Variants in ACSL3 observed in about 807,000 individuals in gnomAD.
ACSL3 encodes acyl-CoA synthetase long chain family member 3.
In ACSL3, 34 loss-of-function variants were observed where a neutral mutation model predicts 84.7. The ratio of observed to expected loss-of-function variants is 0.40; its 90% CI spans 0.31 to 0.53. The LOEUF (loss-of-function observed/expected upper bound fraction) is 0.53, where lower values mean the gene tolerates loss of function less well. Among genes scored for constraint, ACSL3 ranks in the 20% least tolerant of loss-of-function variants. The pLI, the probability that ACSL3 is intolerant of heterozygous loss-of-function variation, is 0.48. For missense variants in ACSL3, 680 were observed against 873.1 expected (o/e 0.78, Z 2.79); for synonymous variants, 315 against 299.4 (o/e 1.05, Z -0.54).
chr2:222,879,698 G>C (rs1023757975), intron 1 of ACSL3, among the ~76,000 whole-genome samples: 10 of 152,184 alleles, frequency 6.6e-5, no homozygotes, highest in Admixed American at 5.2e-4. Context: ...AGGCTTCACT[G>C]GTCACAGGTC....
intron 7 of ACSL3, 154 bp from the exon 8 acceptor site, chr2:222,921,126 C>G: frequency 1.2e-6 from 1 of 817,830 alleles, no homozygotes; most frequent in Non-Finnish European, 2.1e-6. Flanking sequence ...GGGACTTGAT[C>G]TGTTTTGTTG....
At chr2:222,890,933 G>T (rs1213317500) in intron 2 of ACSL3, among the ~76,000 whole-genome samples, 1 of 152,184 alleles carries the variant, frequency 6.6e-6, no homozygotes, top group Admixed American at 6.5e-5. Context: ...GTGAGCCATT[G>T]TACCTGGCCG....
intron 1 of ACSL3, among the ~76,000 whole-genome samples, chr2:222,883,703 T>G (rs1695650246): frequency 4.1e-5 from 1 of 24,564 alleles, no homozygotes; most frequent in African/African-American, 3.3e-4. Context: ...TCTTTGTTCT[T>G]TTTTTCTATT....
At chr2:222,916,261 TTTC>T in intron 4 of ACSL3, 55 bp from the exon 5 acceptor site, 4 of 1,169,248 alleles carry the variant, frequency 3.4e-6, no homozygotes, top group Non-Finnish European at 4.6e-6. Flanking sequence ...GATATTCTGG[TTTC>T]TTCTGTAAAT....
chr2:222,935,494 C>T (rs1697148302), intron 16 of ACSL3, among the ~76,000 whole-genome samples: 1 of 152,226 alleles, frequency 6.6e-6, no homozygotes, highest in African/African-American at 2.4e-5. Flanking sequence ...AAGCATGTGT[C>T]ACCATGCCAG....
chr2:222,899,163 T>C (rs4674718), intron 2 of ACSL3, among the ~76,000 whole-genome samples: 138,734 of 152,158 alleles, frequency 0.91, 63,365 homozygotes, highest in East Asian at 0.98. Flanking sequence ...TACAGGAGAC[T>C]GATAGTTTAA....
rs1201758706 is a variant in ACSL3 at position 222,919,052 on chromosome 2, G to A, written c.667-12G>A. On this transcript the variant is annotated splice_polypyrimidine_tract_variant and intron_variant, in intron 6 of 16. Transcript: ENST00000357430. ...AAAATAATGAACGTGATGAATGTTG[G>A]TGTATTTCTAGGATATAGTTTCTTT... 4.3e-6 allele frequency: 7 copies of A among 1,612,028 alleles called. No homozygotes were observed. The highest frequency in any genetic ancestry group is 5.9e-6 in the Non-Finnish European group (7 of 1,178,914).
chr2:222,941,443 T>G lies in ACSL3; in HGVS notation c.2006-54T>G, dbSNP rs1697304121. ...CGCAAAAAGTGGGGAAGTTACACCA[T>G]TTGCTAAGAACTTAAATACCTTTTC... On this transcript the variant is annotated intron_variant, in intron 16 of 16. Transcript: ENST00000357430. 8 of 1,489,410 alleles carry G rather than the reference T, an allele frequency of 5.4e-6. No homozygotes were observed. The South Asian group carries it at 1.0e-4, about 19-fold the overall frequency. 92.3% of individuals were successfully genotyped at this position (1,489,410 alleles called of 1,614,324 possible). A position where few individuals can be genotyped will look rare whatever the true frequency, so the allele number is the denominator to read the frequency against.
intron 1 of ACSL3, among the ~76,000 whole-genome samples, chr2:222,886,408 C>T (rs1695722925): frequency 6.6e-6 from 1 of 152,164 alleles, no homozygotes; most frequent in African/African-American, 2.4e-5. Context: ...GACATGAACT[C>T]ATTCTTTTTT....
chr2:222,937,115 G>A (rs951434262), intron 16 of ACSL3, among the ~76,000 whole-genome samples: 1 of 152,290 alleles, frequency 6.6e-6, no homozygotes, highest in Non-Finnish European at 1.5e-5. Flanking sequence ...GTAACATTTT[G>A]TAGTTTTCAG....
At chr2:222,939,369 G>C (rs1697247588) in intron 16 of ACSL3, among the ~76,000 whole-genome samples, 1 of 152,108 alleles carries the variant, frequency 6.6e-6, no homozygotes, top group African/African-American at 2.4e-5. Flanking sequence ...GAAGAGGTTT[G>C]CTGGTTTCTA....
chr2:222,906,367 C>A (rs1434953316), intron 3 of ACSL3, among the ~76,000 whole-genome samples: 1 of 152,206 alleles, frequency 6.6e-6, no homozygotes, highest in African/African-American at 2.4e-5. Context: ...CACCACCCAG[C>A]AACTATTCTT....
At chr2:222,877,649 G>A (rs780076453) in intron 1 of ACSL3, among the ~76,000 whole-genome samples, 26 of 152,154 alleles carry the variant, frequency 1.7e-4, no homozygotes, top group Non-Finnish European at 3.2e-4. Flanking sequence ...GAGAATGGTG[G>A]ACATAGTGTA....
rs1695414853 is a variant in ACSL3 at position 222,875,227 on chromosome 2, A to G, written c.-206-12603A>G. Among the ~76,000 whole-genome samples, 4 of 152,330 alleles carry G rather than the reference A, an allele frequency of 2.6e-5. No individual in the cohort carries two copies. The South Asian group carries it at 8.3e-4, about 32-fold the overall frequency. On this transcript the variant is annotated intron_variant, in intron 1 of 16. Transcript: ENST00000357430. ...CTCTCTGAAGATTAGCTCATATAAT[A>G]CAGTGTCTCTCAAAGTTTTTATCAC...
At chr2:222,930,544 CTG>C in intron 13 of ACSL3, 75 bp from the exon 14 acceptor site, 1 of 1,192,780 alleles carries the variant, frequency 8.4e-7, no homozygotes, top group Non-Finnish European at 1.1e-6. Flanking sequence ...AATAAGATGA[CTG>C]TTTAGAAACT....
At position 222,943,094 on chromosome 2, in the gene ACSL3, A is replaced by AC. The variant is rs1476187900; in HGVS notation, c.*1440_*1441insC. The AC allele has an allele frequency of 2.0e-5, 2 of 97,700 alleles. No homozygotes were observed. The highest frequency in any genetic ancestry group is 1.1e-3 in the South Asian group (1 of 926). The allele number at this position is 97,700 out of a possible 1,614,324, so 6.1% of individuals were successfully genotyped here. A position where few individuals can be genotyped will look rare whatever the true frequency, so the allele number is the denominator to read the frequency against. The stretch of plus-strand genomic sequence containing the variant: ...ATCAAAAGGCAAAAATCAAAAAAAA[A>AC]AAAAACAAAAACAAAAAAAAAGATG... On this transcript the variant is annotated 3_prime_UTR_variant, in exon 17 of 17. Transcript: ENST00000357430.
intron 1 of ACSL3, among the ~76,000 whole-genome samples, chr2:222,873,915 G>C (rs1280770666): frequency 6.6e-6 from 1 of 152,168 alleles, no homozygotes; most frequent in Non-Finnish European, 1.5e-5. Flanking sequence ...AAATTTAAAG[G>C]CTCTTAATAA....
chr2:222,875,668 G>T (rs570609115), intron 1 of ACSL3, among the ~76,000 whole-genome samples: 1 of 152,272 alleles, frequency 6.6e-6, no homozygotes, highest in Admixed American at 6.5e-5. Flanking sequence ...TTATAGCGCA[G>T]AAATGATCAC....
rs1425705416 is a variant in ACSL3, at chr2:222,923,289, G to A, written c.1152+140G>A. The A allele has an allele frequency of 4.4e-6, 3 of 687,536 alleles. No homozygotes were observed. In the East Asian group the frequency reaches 8.3e-5, roughly 19 times the overall value. The allele number at this position is 687,536 out of a possible 1,614,324, so 42.6% of individuals were successfully genotyped here. A position where few individuals can be genotyped will look rare whatever the true frequency, so the allele number is the denominator to read the frequency against. ...TTATTGATTATAAATATTGCCTTAG[G>A]CGCTATGGGATTTCTTCAGTCTTGT... On this transcript the variant is annotated intron_variant, in intron 10 of 16. Coordinates refer to ENST00000357430, the MANE Select transcript of ACSL3 (RefSeq NM_004457.5).
Sources: allele counts gnomAD v4.1 joint callset (sites outside exome capture counted in the v4.1 genomes callset), GRCh38; gene constraint gnomAD v4.1.1; transcripts MANE v1.5; gene names NCBI Gene and HGNC (gene_info 2026-07-23, HGNC 2026-07-21).